CCND2: variants seen among roughly 807,000 people sequenced by gnomAD.
The protein encoded by CCND2 is cyclin D2, also known as G1/S-specific cyclin-D2.
A neutral mutation model predicts 30.2 loss-of-function variants in CCND2; 6 were observed. The ratio of observed to expected loss-of-function variants is 0.20; its 90% CI spans 0.11 to 0.39. The LOEUF (loss-of-function observed/expected upper bound fraction) is 0.39. Among genes scored for constraint, CCND2 ranks in the 10% least tolerant of loss-of-function variants. CCND2 has a pLI of 1.00. For synonymous variants in CCND2, 150 were observed against 153.1 expected (o/e 0.98, Z 0.15); for missense variants, 235 against 373.4 (o/e 0.63, Z 3.06).
In CCND2 at chr12:4,300,775, G is replaced by A. The variant is rs904768822; in HGVS notation, c.*766G>A. ...TATTGCTATCTAATGGGGAAATGTA[G>A]CTATGGGCCATAACCAAAACTCACA... On this transcript the variant is annotated 3_prime_UTR_variant, in exon 5 of 5. Coordinates refer to ENST00000261254, the MANE Select transcript of CCND2 (RefSeq NM_001759.4). 6 of 233,624 alleles carry A rather than the reference G, an allele frequency of 2.6e-5. No individual in the cohort carries two copies. The highest frequency in any genetic ancestry group is 3.4e-5 in the Non-Finnish European group (4 of 118,068). 14.5% of individuals were successfully genotyped at this position (233,624 alleles called of 1,614,324 possible). A position where few individuals can be genotyped will look rare whatever the true frequency, so the allele number is the denominator to read the frequency against.
At position 4,275,997 on chromosome 12, in the gene CCND2, C is replaced by T. The variant is rs1340612975; in HGVS notation, c.196-8C>T. ...CCGCCCCCCAACCCTTTCCCACTCC[C>T]ATTATAGGTCTGTGAGGAACAGAAG... On this transcript the variant is annotated splice_polypyrimidine_tract_variant and splice_region_variant and intron_variant, in intron 1 of 4. Transcript: ENST00000261254. 1 of 1,575,476 alleles carries T rather than the reference C, an allele frequency of 6.3e-7. No homozygotes were observed. The highest frequency in any genetic ancestry group is 8.7e-7 in the Non-Finnish European group (1 of 1,151,434).
intron 4 of CCND2, among the ~76,000 whole-genome samples, chr12:4,290,427 G>A (rs529601085): frequency 1.1e-4 from 16 of 152,204 alleles, no homozygotes; most frequent in Non-Finnish European, 1.5e-4. Flanking sequence ...AATCGTGGAC[G>A]GGACTTAACG....
chr12:4,280,468 C>T (rs180969935), intron 3 of CCND2, among the ~76,000 whole-genome samples: 10 of 152,366 alleles, frequency 6.6e-5, no homozygotes, highest in East Asian at 1.9e-4. Context: ...CGTGCACATG[C>T]GCCCTGTGCC....
chr12:4,279,840 C>G (rs1863924851), intron 3 of CCND2, among the ~76,000 whole-genome samples: 1 of 151,282 alleles, frequency 6.6e-6, no homozygotes, highest in Admixed American at 6.6e-5. Context: ...AAGCTGATCA[C>G]TTGGGAAGAC....
At chr12:4,277,839 A>G (rs1376800284) in intron 2 of CCND2, among the ~76,000 whole-genome samples, 1 of 152,262 alleles carries the variant, frequency 6.6e-6, no homozygotes, top group Non-Finnish European at 1.5e-5. Flanking sequence ...ATGACAGCTC[A>G]GTGGATAGGC....
At chr12:4,294,991 C>A (rs373853191) in intron 4 of CCND2, among the ~76,000 whole-genome samples, 1 of 152,198 alleles carries the variant, frequency 6.6e-6, no homozygotes. Flanking sequence ...GGGCAAGACC[C>A]GGGCGATGTG....
At chr12:4,298,146 G>T (rs1489308210) in intron 4 of CCND2, among the ~76,000 whole-genome samples, 1 of 152,188 alleles carries the variant, frequency 6.6e-6, no homozygotes, top group Non-Finnish European at 1.5e-5. Context: ...TGATTATTTT[G>T]TGGGGAAACT....
chr12:4,279,413 T>G (rs547850122), intron 3 of CCND2, among the ~76,000 whole-genome samples: 1 of 151,260 alleles, frequency 6.6e-6, no homozygotes, highest in Non-Finnish European at 1.5e-5. Flanking sequence ...TTTTTTTTAC[T>G]GTAGGGCATT....
chr12:4,303,135 G>A lies in CCND2; in HGVS notation c.*3126G>A, dbSNP rs368190451. ...AATAAGGAAGGGCACAAGCCTACCCGACTCTATTTACAGTCTGTAACTTTC... is the reference window on the plus strand; with the variant it reads ...AATAAGGAAGGGCACAAGCCTACCCAACTCTATTTACAGTCTGTAACTTTC... On this transcript the variant is annotated 3_prime_UTR_variant, in exon 5 of 5. Coordinates refer to ENST00000261254, the MANE Select transcript of CCND2 (RefSeq NM_001759.4). The surrounding 1 kb of genome is among the most constrained non-coding windows in gnomAD (Gnocchi z 4.6). 4 of 233,206 alleles carry A rather than the reference G, an allele frequency of 1.7e-5. No individual in the cohort carries two copies. The South Asian group carries it at 5.4e-4, about 32-fold the overall frequency. 14.4% of individuals were successfully genotyped at this position (233,206 alleles called of 1,614,324 possible). A position where few individuals can be genotyped will look rare whatever the true frequency, so the allele number is the denominator to read the frequency against.
Position 4,299,825 on chromosome 12 carries a change from C to CT in CCND2, c.721-33dup. 1 of 1,600,300 alleles carries CT rather than the reference C, an allele frequency of 6.2e-7. No homozygotes were observed. The highest frequency in any genetic ancestry group is 8.5e-7 in the Non-Finnish European group (1 of 1,170,056). The stretch of plus-strand genomic sequence containing the variant: ...GTAGGATGCTCTATGTCCTGTTCCT[C>CT]TTACTAACAACTCTGGTCTGGACCA... On this transcript the variant is annotated intron_variant, in intron 4 of 4. Transcript: ENST00000261254. This position sits in a 1 kb window ranked among gnomAD's most constrained non-coding sequence, Gnocchi z 5.2.
chr12:4,298,865 G>A (rs997259440), intron 4 of CCND2, among the ~76,000 whole-genome samples: 1 of 152,182 alleles, frequency 6.6e-6, no homozygotes, highest in Admixed American at 6.5e-5. Flanking sequence ...CATGTCATCT[G>A]CCTAAGAGAA....
rs547167312 is a variant in CCND2 at position 4,280,839 on chromosome 12, C to T, written c.571+1920C>T. Among the ~76,000 whole-genome samples the T allele has an allele frequency of 2.6e-5, 4 of 152,372 alleles. No homozygotes were observed. The South Asian group carries it at 8.3e-4, about 32-fold the overall frequency. ...TTTTGGGGTCTAACTGCCCCTTCCT[C>T]CTCTCTGATCTCTGATTGGGGTAGG... On this transcript the variant is annotated intron_variant, in intron 3 of 4. Coordinates refer to ENST00000261254, the MANE Select transcript of CCND2 (RefSeq NM_001759.4).
chr12:4,280,512 C>T (rs1863934120), intron 3 of CCND2, among the ~76,000 whole-genome samples: 2 of 152,252 alleles, frequency 1.3e-5, no homozygotes, highest in Non-Finnish European at 2.9e-5. Flanking sequence ...CTTCCTGCAG[C>T]CCTGGGGGCG....
At chr12:4,288,800 A>G in intron 3 of CCND2, 42 bp from the exon 4 acceptor site, 1 of 1,574,464 alleles carries the variant, frequency 6.4e-7, no homozygotes, top group Non-Finnish European at 8.6e-7. Context: ...CAGGATCCAA[A>G]TTCGTTCTGT....
In CCND2 at chr12:4,274,291, C is replaced by T. The variant is rs1591642853; in HGVS notation, c.195+56C>T. ...CAGGACCCCTCCGGATGCTCGGGTC[C>T]CCGGCCGGAGCCCTAAACCTGGGAG... On this transcript the variant is annotated intron_variant, in intron 1 of 4. Coordinates refer to ENST00000261254, the MANE Select transcript of CCND2 (RefSeq NM_001759.4). This position sits in a 1 kb window ranked among gnomAD's most constrained non-coding sequence, Gnocchi z 7.7. 6 of 1,573,506 alleles carry T rather than the reference C, an allele frequency of 3.8e-6. No homozygotes were observed. In the East Asian group the frequency reaches 1.3e-4, roughly 35 times the overall value.
At position 4,300,057 on chromosome 12, in the gene CCND2, C is replaced by T; in HGVS notation, c.*48C>T. 1.3e-6 allele frequency: 2 copies of T among 1,539,682 alleles called. No individual in the cohort carries two copies. The highest frequency in any genetic ancestry group is 1.8e-6 in the Non-Finnish European group (2 of 1,137,504). ...GAGAGACGCGTCCATAATCTGGTCTCTTCTTCTTTCTGGTTGTTTTTGTTC... is the reference window on the plus strand; with the variant it reads ...GAGAGACGCGTCCATAATCTGGTCTTTTCTTCTTTCTGGTTGTTTTTGTTC... On this transcript the variant is annotated 3_prime_UTR_variant, in exon 5 of 5. Coordinates refer to ENST00000261254, the MANE Select transcript of CCND2 (RefSeq NM_001759.4).
At chr12:4,289,741 G>A (rs550218999) in intron 4 of CCND2, among the ~76,000 whole-genome samples, 3 of 152,276 alleles carry the variant, frequency 2.0e-5, no homozygotes, top group Admixed American at 1.3e-4. Context: ...TAGCCCGTCC[G>A]AGACAGGATG....
In CCND2 at chr12:4,288,975, C is replaced by T. The variant is rs1864059832; in HGVS notation, c.705C>T (p.Ile235=). 1.2e-6 allele frequency: 2 copies of T among 1,612,702 alleles called. No individual in the cohort carries two copies. Among genetic ancestry groups the T allele is most frequent in the Non-Finnish European group, 8.5e-7 (1 of 1,179,352 alleles). ...CCCTGACTGAGCTGCTGGCTAAGATCACCAACACAGACGTGGTAGGTGGCC... is the reference window on the plus strand; with the variant it reads ...CCCTGACTGAGCTGCTGGCTAAGATTACCAACACAGACGTGGTAGGTGGCC... ...CDALTELLAK[I]TNTDVDCLKA... Residue 235 remains isoleucine (I), a synonymous_variant, in exon 4 of 5, where the codon ATC becomes ATT. Transcript: ENST00000261254.
Position 4,282,891 on chromosome 12 carries a change from T to TCTGG in CCND2, c.571+3974_571+3977dup, listed in dbSNP as rs1193468110. On this transcript the variant is annotated intron_variant, in intron 3 of 4. Transcript: ENST00000261254. This position sits in a 1 kb window ranked among gnomAD's most constrained non-coding sequence, Gnocchi z 4.3. ...GTCCCTGGCCTGTGAACACTCTGGT[T>TCTGG]CTGGCCCTTTGAACTTCCACCTGAC... is the stretch of plus-strand genomic sequence containing the variant. Among the ~76,000 whole-genome samples, 3 of 152,190 alleles carry TCTGG rather than the reference T, an allele frequency of 2.0e-5. No homozygotes were observed. Among genetic ancestry groups the TCTGG allele is most frequent in the African/African-American group, 7.2e-5 (3 of 41,452 alleles).
Sources: gnomAD v4.1 joint callset for allele counts (sites outside exome capture counted in the v4.1 genomes callset) on GRCh38, gnomAD v4.1.1 for gene constraint, Gnocchi (gnomAD v3.1) non-coding constraint, MANE v1.5 for transcripts, NCBI Gene and HGNC (gene_info 2026-07-23, HGNC 2026-07-21) for gene names.